Variants in SVOPL observed in about 807,000 individuals in gnomAD.
The protein encoded by SVOPL is SVOP like, also known as putative transporter SVOPL.
In SVOPL, 60 loss-of-function variants were observed where a neutral mutation model predicts 61.0. The observed-to-expected ratio is 0.98, with a 90% CI of 0.80 to 1.22. SVOPL has a LOEUF of 1.22. Ranked by LOEUF, SVOPL falls within the 50% of genes most tolerant of loss-of-function variation. The pLI is 0.00. For synonymous variants in SVOPL, 279 were observed against 250.0 expected, an observed-to-expected ratio of 1.12 and a Z score of -1.09; for missense variants, 662 against 643.9, an observed-to-expected ratio of 1.03 and a Z score of -0.30.
At chr7:138,681,750 G>T (rs1563137136) in intron 1 of SVOPL, among the ~76,000 whole-genome samples, 2 of 152,164 alleles carry the variant, frequency 1.3e-5, no homozygotes, top group Non-Finnish European at 2.9e-5. Flanking sequence ...TTGAACCCAG[G>T]AGGCGGAGGT....
chr7:138,621,994 CTATCTATCTATG>C (rs1402455399), intron 13 of SVOPL, among the ~76,000 whole-genome samples: 25 of 41,824 alleles, frequency 6.0e-4, no homozygotes, highest in South Asian at 3.8e-3. Context: ...ATCTATGTAT[CTATCTATCTATG>C]TATCTATCTA....
intron 8 of SVOPL, among the ~76,000 whole-genome samples, chr7:138,646,601 C>G (rs1310992344): frequency 2.0e-5 from 3 of 152,116 alleles, no homozygotes; most frequent in Non-Finnish European, 2.9e-5. Context: ...TGACTGCAGC[C>G]TTGACCAACC....
chr7:138,639,895 G>A (rs913567233), intron 9 of SVOPL, among the ~76,000 whole-genome samples: 3 of 145,964 alleles, frequency 2.1e-5, no homozygotes, highest in Non-Finnish European at 3.0e-5. Context: ...TGGGACTACA[G>A]GTGTGCGCCA....
At chr7:138,654,868 C>CTTTTT (rs34598728) in intron 7 of SVOPL, among the ~76,000 whole-genome samples, 1 of 135,288 alleles carries the variant, frequency 7.4e-6, no homozygotes, top group African/African-American at 2.8e-5. Flanking sequence ...GTTTCACTTC[C>CTTTTT]TTTTTTTTTT....
At chr7:138,693,529 A>AAAAGAAG (rs1802990107) in intron 1 of SVOPL, among the ~76,000 whole-genome samples, 1 of 117,086 alleles carries the variant, frequency 8.5e-6, no homozygotes, top group African/African-American at 3.3e-5. Flanking sequence ...AAAAGAAAGA[A>AAAAGAAG]AAAGAAAGAA....
intron 12 of SVOPL, among the ~76,000 whole-genome samples, chr7:138,626,864 AT>A (rs773585363): frequency 6.9e-5 from 10 of 144,480 alleles, no homozygotes; most frequent in African/African-American, 1.8e-4. Flanking sequence ...AAAAAAAAAA[AT>A]TAGCACACCT....
chr7:138,635,159 C>A (rs1402202673), intron 9 of SVOPL, among the ~76,000 whole-genome samples: 4 of 151,776 alleles, frequency 2.6e-5, no homozygotes, highest in African/African-American at 7.3e-5. Flanking sequence ...ATAATCCCAG[C>A]TACTTGGGAG....
At chr7:138,650,680 A>C (rs67585905) in intron 7 of SVOPL, among the ~76,000 whole-genome samples, 24,465 of 134,544 alleles carry the variant, frequency 0.18, 2,688 homozygotes, top group African/African-American at 0.28. Context: ...AGGCACCATG[A>C]CATGCACCTG....
intron 8 of SVOPL, among the ~76,000 whole-genome samples, chr7:138,647,888 G>C (rs1420165233): frequency 2.0e-5 from 3 of 150,906 alleles, no homozygotes; most frequent in Non-Finnish European, 4.4e-5. Flanking sequence ...CCTGAAGCTA[G>C]CAGCTTTCTG....
intron 3 of SVOPL, among the ~76,000 whole-genome samples, chr7:138,677,678 T>C (rs1802599865): frequency 6.6e-6 from 1 of 152,046 alleles, no homozygotes; most frequent in Non-Finnish European, 1.5e-5. Context: ...ATAGGAAACA[T>C]TTGTCATCTA....
At chr7:138,684,291 G>A (rs934825182) in intron 1 of SVOPL, among the ~76,000 whole-genome samples, 2 of 151,522 alleles carry the variant, frequency 1.3e-5, no homozygotes, top group Non-Finnish European at 2.9e-5. Context: ...CTTGAACCTG[G>A]GAGGCGGAGC....
chr7:138,694,885 T>A lies in SVOPL; in HGVS notation c.-35+6293A>T, dbSNP rs186106966. On this transcript the variant is annotated intron_variant, in intron 1 of 15. Transcript: ENST00000674285. ...TCCTGAGTAGCTGGGATTACAGGCA[T>A]GCGCCACCACACCCAGCTAATTTTT... Among the ~76,000 whole-genome samples, 365 of 151,992 alleles carry A rather than the reference T, an allele frequency of 2.4e-3. 1 individual carries two copies. The highest frequency in any genetic ancestry group is 8.3e-3 in the African/African-American group (346 of 41,484).
rs145674832 is a variant in SVOPL at position 138,670,106 on chromosome 7, A to T, written c.273+1913T>A. On this transcript the variant is annotated intron_variant, in intron 4 of 15. Coordinates refer to ENST00000674285, the MANE Select transcript of SVOPL (RefSeq NM_001139456.2). ...AAAAATTATAATAGAAAAAATTATG[A>T]CAGTGAAAGAGATCTGCCCTAACCA... Among the ~76,000 whole-genome samples the T allele has an allele frequency of 2.8e-3, 434 of 152,312 alleles. 4 individuals are homozygous for T. The highest frequency in any genetic ancestry group is 0.01 in the African/African-American group (417 of 41,572).
In SVOPL at chr7:138,607,227, C is replaced by T. The variant is rs1232046041; in HGVS notation, c.1354-10697G>A. 3.9e-5 allele frequency among the ~76,000 whole-genome samples: 6 copies of T among 151,966 alleles called. No homozygotes were observed. The East Asian group carries it at 7.7e-4, about 20-fold the overall frequency. ...GATAATCAGGTGGATGAATCTGGAG[C>T]GAGAAGCAAGGCCTCGTCTAGAGAT... On this transcript the variant is annotated intron_variant, in intron 14 of 15. Transcript: ENST00000674285.
At chr7:138,642,839 AAAAAAAAAAAAG>A (rs1198659352) in intron 9 of SVOPL, among the ~76,000 whole-genome samples, 4 of 46,500 alleles carry the variant, frequency 8.6e-5, no homozygotes, top group Non-Finnish European at 5.3e-5. Flanking sequence ...TCCAAAAAAA[AAAAAAAAAAAAG>A]AAGAAACAAA....
Position 138,685,240 on chromosome 7 carries a change from A to T in SVOPL, c.-34-6161T>A, listed in dbSNP as rs144977095. Reference sequence around the variant, plus strand: ...AGTCACTGTGCCCGGCCACAATGGAATATTATTCATCTTTAAAAAAGAGGG... The same window carrying T: ...AGTCACTGTGCCCGGCCACAATGGATTATTATTCATCTTTAAAAAAGAGGG... On this transcript the variant is annotated intron_variant, in intron 1 of 15. Coordinates refer to ENST00000674285, the MANE Select transcript of SVOPL (RefSeq NM_001139456.2). Among the ~76,000 whole-genome samples the T allele has an allele frequency of 2.3e-3, 354 of 152,240 alleles. 1 individual carries two copies. Among genetic ancestry groups the T allele is most frequent in the Non-Finnish European group, 3.5e-3 (241 of 68,014 alleles).
intron 9 of SVOPL, among the ~76,000 whole-genome samples, chr7:138,640,974 G>A (rs1359805584): frequency 6.6e-6 from 1 of 152,128 alleles, no homozygotes; most frequent in African/African-American, 2.4e-5. Context: ...AGGCCAAGGA[G>A]GGAGGACTGC....
intron 14 of SVOPL, among the ~76,000 whole-genome samples, chr7:138,617,167 A>G (rs1799340071): frequency 6.6e-6 from 1 of 151,684 alleles, no homozygotes; most frequent in Non-Finnish European, 1.5e-5. Context: ...ACGAGGTTTC[A>G]CCGTGTTGGC....
chr7:138,669,165 A>C (rs1802352802), intron 4 of SVOPL, among the ~76,000 whole-genome samples: 1 of 152,202 alleles, frequency 6.6e-6, no homozygotes, highest in South Asian at 2.1e-4. Flanking sequence ...AAAGGAATGC[A>C]ACTGGGCCAG....
Sources: allele counts gnomAD v4.1 joint callset (sites outside exome capture counted in the v4.1 genomes callset), GRCh38; gene constraint gnomAD v4.1.1; transcripts MANE v1.5; gene names NCBI Gene and HGNC (gene_info 2026-07-23, HGNC 2026-07-21).